ARL8B: variants seen among roughly 807,000 people sequenced by gnomAD.
ARL8B encodes ADP-ribosylation factor-like protein 8B.
In ARL8B, 9 loss-of-function variants were observed where a neutral mutation model predicts 30.6. That is an observed-to-expected ratio of 0.29 (90% confidence interval 0.18 to 0.51). ARL8B has a LOEUF of 0.51. ARL8B is among the 20% of genes least tolerant of loss of function. The probability of loss-of-function intolerance (pLI) is 0.97; values close to 1 mark genes in which losing one functional copy is unlikely to be tolerated. For synonymous variants in ARL8B, 74 were observed against 76.0 expected, an observed-to-expected ratio of 0.97 and a Z score of 0.14; for missense variants, 130 against 227.2, an observed-to-expected ratio of 0.57 and a Z score of 2.75.
intron 1 of ARL8B, among the ~76,000 whole-genome samples, chr3:5,133,092 T>A (rs1337090075): frequency 7.8e-6 from 1 of 128,228 alleles, no homozygotes; most frequent in African/African-American, 3.5e-5. Flanking sequence ...ACTGCCGATA[T>A]CATGTGGGGA....
intron 2 of ARL8B, 155 bp downstream of exon 2, chr3:5,170,738 G>GT (rs373043551): frequency 0.082 from 38,448 of 467,432 alleles, 143 homozygotes; most frequent in Middle Eastern, 0.11. Flanking sequence ...TTGTTTTTTT[G>GT]TTTTTTTTTT....
At chr3:5,140,277 T>C (rs1247833367) in intron 1 of ARL8B, among the ~76,000 whole-genome samples, 4 of 152,132 alleles carry the variant, frequency 2.6e-5, no homozygotes, top group African/African-American at 9.7e-5. Context: ...AACTGAATCA[T>C]GGGGACGATT....
At chr3:5,138,098 A>G (rs1227855708) in intron 1 of ARL8B, among the ~76,000 whole-genome samples, 12 of 150,630 alleles carry the variant, frequency 8.0e-5, no homozygotes, top group Admixed American at 7.9e-4. Context: ...CTTGGTGAAA[A>G]ATTTACTGGT....
intron 1 of ARL8B, among the ~76,000 whole-genome samples, chr3:5,167,904 C>T (rs1048655577): frequency 2.6e-5 from 4 of 151,944 alleles, no homozygotes; most frequent in African/African-American, 9.7e-5. Context: ...TATAGTTGTT[C>T]AACACAAGCT....
chr3:5,134,214 G>T (rs186608862), intron 1 of ARL8B, among the ~76,000 whole-genome samples: 1 of 152,294 alleles, frequency 6.6e-6, no homozygotes, highest in African/African-American at 2.4e-5. Context: ...GTACCCTGCT[G>T]ATGACTCGTT....
At chr3:5,149,051 C>T (rs897478560) in intron 1 of ARL8B, among the ~76,000 whole-genome samples, 17 of 152,232 alleles carry the variant, frequency 1.1e-4, no homozygotes, top group African/African-American at 2.4e-4. Flanking sequence ...TGGCTGTTTG[C>T]GTCGCAGGAG....
At chr3:5,149,695 C>T (rs1224093393) in intron 1 of ARL8B, among the ~76,000 whole-genome samples, 1 of 152,222 alleles carries the variant, frequency 6.6e-6, no homozygotes, top group Non-Finnish European at 1.5e-5. Context: ...CCCTCTTCTA[C>T]AGTCTGTTCA....
intron 1 of ARL8B, among the ~76,000 whole-genome samples, chr3:5,142,685 C>T (rs996260085): frequency 6.6e-6 from 1 of 152,176 alleles, no homozygotes; most frequent in Non-Finnish European, 1.5e-5. Flanking sequence ...TATTATTTGG[C>T]AGACTAAAGT....
intron 1 of ARL8B, among the ~76,000 whole-genome samples, chr3:5,169,996 T>C (rs1303026926): frequency 2.6e-5 from 4 of 152,210 alleles, no homozygotes; most frequent in Non-Finnish European, 4.4e-5. Context: ...ACTCATGACA[T>C]TGAGATAAGT....
At chr3:5,141,597 C>T (rs893893315) in intron 1 of ARL8B, among the ~76,000 whole-genome samples, 20 of 152,192 alleles carry the variant, frequency 1.3e-4, no homozygotes, top group African/African-American at 4.8e-4. Context: ...AACCATTTAG[C>T]CAACCCGTAA....
intron 1 of ARL8B, among the ~76,000 whole-genome samples, chr3:5,161,249 C>T (rs545577419): frequency 1.3e-5 from 2 of 152,252 alleles, no homozygotes; most frequent in South Asian, 4.2e-4. Flanking sequence ...AGCCCCTGTC[C>T]CATAAGGCAA....
chr3:5,123,542 C>A (rs2054202353), intron 1 of ARL8B, among the ~76,000 whole-genome samples: 1 of 152,160 alleles, frequency 6.6e-6, no homozygotes, highest in Admixed American at 6.6e-5. Context: ...TGTTGTGACT[C>A]AGTTTTAGCT....
intron 1 of ARL8B, among the ~76,000 whole-genome samples, chr3:5,149,522 C>G (rs1482613370): frequency 6.6e-6 from 1 of 152,256 alleles, no homozygotes; most frequent in Non-Finnish European, 1.5e-5. Context: ...TCCTAGCACA[C>G]AAGTCCCTCC....
intron 6 of ARL8B, among the ~76,000 whole-genome samples, chr3:5,177,696 T>TC (rs2054742603): frequency 6.6e-6 from 1 of 152,096 alleles, no homozygotes; most frequent in Non-Finnish European, 1.5e-5. Flanking sequence ...CCTCAGGTGA[T>TC]CACCTGCCTC....
At chr3:5,130,934 T>C (rs781288228) in intron 1 of ARL8B, among the ~76,000 whole-genome samples, 1 of 152,126 alleles carries the variant, frequency 6.6e-6, no homozygotes, top group Non-Finnish European at 1.5e-5. Flanking sequence ...CTTTTCTTTT[T>C]TTTCTTTTTC....
intron 1 of ARL8B, among the ~76,000 whole-genome samples, chr3:5,132,345 C>T (rs920152397): frequency 9.9e-5 from 15 of 152,074 alleles, no homozygotes; most frequent in African/African-American, 3.6e-4. Flanking sequence ...ACCTCCGCCT[C>T]CCTGGTTCAA....
chr3:5,128,769 G>T (rs1383638794), intron 1 of ARL8B, among the ~76,000 whole-genome samples: 3 of 152,134 alleles, frequency 2.0e-5, no homozygotes, highest in Non-Finnish European at 4.4e-5. Flanking sequence ...TACCATCCAA[G>T]ATTAACTACT....
At chr3:5,146,776 C>A (rs2054422305) in intron 1 of ARL8B, among the ~76,000 whole-genome samples, 1 of 152,176 alleles carries the variant, frequency 6.6e-6, no homozygotes, top group Admixed American at 6.5e-5. Flanking sequence ...TTAACATTTT[C>A]TTGAATATTG....
At chr3:5,174,893 C>T (rs985700645) in intron 6 of ARL8B, among the ~76,000 whole-genome samples, 1 of 151,640 alleles carries the variant, frequency 6.6e-6, no homozygotes, top group Admixed American at 6.6e-5. Flanking sequence ...ACCTCTGCCT[C>T]CTGGGTTAAA....
Sources: allele counts gnomAD v4.1 joint callset (sites outside exome capture counted in the v4.1 genomes callset), GRCh38; gene constraint gnomAD v4.1.1; transcripts MANE v1.5; gene names NCBI Gene and HGNC (gene_info 2026-07-23, HGNC 2026-07-21).